The following STAT4 variants were observed in gnomAD, a reference collection of about 807,000 sequenced individuals.
The protein encoded by STAT4 is signal transducer and activator of transcription 4.
Under a neutral mutation model 110.5 loss-of-function variants are expected in STAT4, and 42 were observed. The ratio of observed to expected loss-of-function variants is 0.38; its 90% CI spans 0.30 to 0.49. The LOEUF is 0.49. Among genes scored for constraint, STAT4 ranks in the 20% least tolerant of loss-of-function variants. The pLI, the probability that STAT4 is intolerant of heterozygous loss-of-function variation, is 0.95. For synonymous variants in STAT4, 284 were observed against 302.2 expected (o/e 0.94, Z 0.63); for missense variants, 632 against 887.9 (o/e 0.71, Z 3.66).
chr2:191,083,692 CAA>C lies in STAT4; in HGVS notation c.274-7369_274-7368del, dbSNP rs1697551085. 6.6e-6 allele frequency among the ~76,000 whole-genome samples: 1 copy of C among 152,072 alleles called. No homozygotes were observed. The highest frequency in any genetic ancestry group is 1.5e-5 in the Non-Finnish European group (1 of 68,030). ...CAACCTACTGCGTACTTCTGGTTGC[CAA>C]CTAGCTCTCTCTCCCTTTGCATCAC... On this transcript the variant is annotated intron_variant, in intron 3 of 23. Coordinates refer to ENST00000392320, the MANE Select transcript of STAT4 (RefSeq NM_003151.4). The surrounding 1 kb of genome is among the most constrained non-coding windows in gnomAD (Gnocchi z 4.6).
At chr2:191,036,607 C>T (rs1359323928) in intron 16 of STAT4, among the ~76,000 whole-genome samples, 3 of 152,218 alleles carry the variant, frequency 2.0e-5, no homozygotes, top group African/African-American at 4.8e-5. Flanking sequence ...AGAGGTCAAG[C>T]TGCACACTTG....
In STAT4 at chr2:191,039,991, CAG is replaced by C. The variant is rs1696144410; in HGVS notation, c.1336-696_1336-695del. ...GAGGAACTTTAACAACTCATAAAAACAGAGGTTTAGGGAAAGGAGGTGAGGAA... is the reference window on the plus strand; with the variant it reads ...GAGGAACTTTAACAACTCATAAAAACAGGTTTAGGGAAAGGAGGTGAGGAA... On this transcript the variant is annotated intron_variant, in intron 15 of 23. Transcript: ENST00000392320. The surrounding 1 kb of genome is among the most constrained non-coding windows in gnomAD (Gnocchi z 4.7). 1.3e-5 allele frequency among the ~76,000 whole-genome samples: 2 copies of C among 152,254 alleles called. No individual in the cohort carries two copies. Among genetic ancestry groups the C allele is most frequent in the South Asian group, 4.1e-4 (2 of 4,826 alleles).
chr2:191,069,835 C>T, intron 5 of STAT4, 64 bp from the exon 6 acceptor site: 1 of 1,344,868 alleles, frequency 7.4e-7, no homozygotes, highest in Middle Eastern at 1.8e-4. Flanking sequence ...CAAACAACAT[C>T]ATAAGTATTT....
At chr2:191,087,599 T>C (rs1199275849) in intron 3 of STAT4, among the ~76,000 whole-genome samples, 8 of 152,124 alleles carry the variant, frequency 5.3e-5, no homozygotes, top group African/African-American at 1.9e-4. Context: ...GAGGGAGGCT[T>C]CATTTACATA....
chr2:191,100,637 T>A (rs1328790383), intron 3 of STAT4, among the ~76,000 whole-genome samples: 2 of 152,150 alleles, frequency 1.3e-5, no homozygotes, highest in Non-Finnish European at 2.9e-5. Context: ...TCCATCAAAA[T>A]GTATTTGTCT....
chr2:191,093,120 C>T (rs566839268), intron 3 of STAT4, among the ~76,000 whole-genome samples: 8 of 152,278 alleles, frequency 5.3e-5, no homozygotes, highest in South Asian at 4.1e-4. Context: ...GGGGGCAGGG[C>T]GTAGATGAAC....
intron 13 of STAT4, among the ~76,000 whole-genome samples, chr2:191,056,592 T>C (rs1279886407): frequency 6.6e-6 from 1 of 152,188 alleles, no homozygotes; most frequent in Admixed American, 6.5e-5. Context: ...CTTCTGTATT[T>C]ATATATCATA....
intron 5 of STAT4, among the ~76,000 whole-genome samples, chr2:191,072,450 A>G (rs1017044828): frequency 6.6e-6 from 1 of 152,230 alleles, no homozygotes; most frequent in African/African-American, 2.4e-5. Context: ...TCACTAAATC[A>G]GAAGTCTGAA....
At position 191,142,373 on chromosome 2, in the gene STAT4, C is replaced by T. The variant is rs1156878786; in HGVS notation, c.273+4240G>A. 1.3e-5 allele frequency among the ~76,000 whole-genome samples: 2 copies of T among 151,942 alleles called. No homozygotes were observed. Among genetic ancestry groups the T allele is most frequent in the East Asian group, 3.9e-4 (2 of 5,188 alleles). ...AAGCCAGGCACAGAAAGACAAATAT[C>T]GCATGTTCTCACTCATATGTGGGAG... On this transcript the variant is annotated intron_variant, in intron 3 of 23. Coordinates refer to ENST00000392320, the MANE Select transcript of STAT4 (RefSeq NM_003151.4). This position sits in a 1 kb window ranked among gnomAD's most constrained non-coding sequence, Gnocchi z 4.1.
chr2:191,045,837 T>A (rs34946552), intron 14 of STAT4, among the ~76,000 whole-genome samples: 66,091 of 152,062 alleles, frequency 0.43, 17,730 homozygotes, highest in Non-Finnish European at 0.6. Flanking sequence ...TTATGTTTAA[T>A]AAACATTCTG....
chr2:191,052,226 G>A (rs984537451), intron 14 of STAT4, among the ~76,000 whole-genome samples: 1 of 152,012 alleles, frequency 6.6e-6, no homozygotes, highest in Non-Finnish European at 1.5e-5. Flanking sequence ...CCTGATTCCC[G>A]GTTTATCTTC....
rs996042912 is a variant in STAT4, at chr2:191,043,510, A to G, written c.1252-2362T>C. Among the ~76,000 whole-genome samples, 1 of 152,200 alleles carries G rather than the reference A, an allele frequency of 6.6e-6. No homozygotes were observed. The highest frequency in any genetic ancestry group is 6.5e-5 in the Admixed American group (1 of 15,284). Reference sequence around the variant, plus strand: ...TTTGGAGAACAATTCCTCAGTATCTAGAAAAGTAGAAGATGCACATTACCT... The same window carrying G: ...TTTGGAGAACAATTCCTCAGTATCTGGAAAAGTAGAAGATGCACATTACCT... On this transcript the variant is annotated intron_variant, in intron 14 of 23. Transcript: ENST00000392320. The surrounding 1 kb of genome is among the most constrained non-coding windows in gnomAD (Gnocchi z 4.8).
chr2:191,109,927 G>A (rs2125358874), intron 3 of STAT4, among the ~76,000 whole-genome samples: 1 of 152,232 alleles, frequency 6.6e-6, no homozygotes, highest in Non-Finnish European at 1.5e-5. Context: ...TCCTTTGAGG[G>A]AATATCAACG....
chr2:191,049,073 A>G (rs16833215), intron 14 of STAT4, among the ~76,000 whole-genome samples: 51,771 of 150,990 alleles, frequency 0.34, 9,336 homozygotes, highest in Admixed American at 0.49. Context: ...GATGAAAGGT[A>G]GGTCTAGATG....
Position 191,077,729 on chromosome 2 carries a change from G to C in STAT4, c.274-1404C>G, listed in dbSNP as rs145274723. Among the ~76,000 whole-genome samples the C allele has an allele frequency of 8.4e-4, 128 of 152,204 alleles. 1 individual carries two copies. Among genetic ancestry groups the C allele is most frequent in the South Asian group, 5.2e-3 (25 of 4,822 alleles). ...ACTTCTATTTGTTTTATTAAATGAT[G>C]TATGTTAATTACCACTTCTATTTGT... is the stretch of plus-strand genomic sequence containing the variant. On this transcript the variant is annotated intron_variant, in intron 3 of 23. Transcript: ENST00000392320. This position sits in a 1 kb window ranked among gnomAD's most constrained non-coding sequence, Gnocchi z 4.1.
Position 191,051,038 on chromosome 2 carries a change from G to T in STAT4, c.1251+3452C>A, listed in dbSNP as rs539729678. 1.6e-4 allele frequency among the ~76,000 whole-genome samples: 25 copies of T among 152,278 alleles called. No homozygotes were observed. The highest frequency in any genetic ancestry group is 2.8e-4 in the Non-Finnish European group (19 of 68,006). On this transcript the variant is annotated intron_variant, in intron 14 of 23. Transcript: ENST00000392320. The surrounding 1 kb of genome is among the most constrained non-coding windows in gnomAD (Gnocchi z 5.6). Reference sequence around the variant, plus strand: ...GAGCGACCCAAAATTGTGTGTGTGCGTGTGGGTGTGTGTGTGATGGAGGTG... The same window carrying T: ...GAGCGACCCAAAATTGTGTGTGTGCTTGTGGGTGTGTGTGTGATGGAGGTG...
chr2:191,109,329 G>A (rs1206946382), intron 3 of STAT4, among the ~76,000 whole-genome samples: 1 of 151,488 alleles, frequency 6.6e-6, no homozygotes, highest in Non-Finnish European at 1.5e-5. Flanking sequence ...AAAGACAAGT[G>A]GGGAAGCCAG....
At position 191,082,827 on chromosome 2, in the gene STAT4, A is replaced by G. The variant is rs574153328; in HGVS notation, c.274-6502T>C. On this transcript the variant is annotated intron_variant, in intron 3 of 23. Coordinates refer to ENST00000392320, the MANE Select transcript of STAT4 (RefSeq NM_003151.4). The surrounding 1 kb of genome is among the most constrained non-coding windows in gnomAD (Gnocchi z 4.7). ...AAATAATCTTCTTCATACAGGCGAC[A>G]TGGAGCCTGAAACTTCACAATTAGG... Among the ~76,000 whole-genome samples the G allele has an allele frequency of 6.6e-6, 1 of 152,204 alleles. No individual in the cohort carries two copies. Among genetic ancestry groups the G allele is most frequent in the South Asian group, 2.1e-4 (1 of 4,830 alleles).
chr2:191,033,958 T>G lies in STAT4; in HGVS notation c.1668A>C (p.Ala556=). 1 of 1,613,104 alleles carries G rather than the reference T, an allele frequency of 6.2e-7. No homozygotes were observed. The highest frequency in any genetic ancestry group is 8.5e-7 in the Non-Finnish European group (1 of 1,179,634). The change falls in exon 19 of 24, where the codon GCA becomes GCC. Residue 556 remains alanine (A), a synonymous_variant. Transcript: ENST00000392320. This position sits in a 1 kb window ranked among gnomAD's most constrained non-coding sequence, Gnocchi z 6.9. ...KSFTFWTWLE[A]ILDLIKKHIL... The stretch of plus-strand genomic sequence containing the variant: ...TGTGTTTCTTAATTAGATCCAATAT[T>G]GCTTCAAGCCATGTCCAAAAGGTAA...
Sources: gnomAD v4.1 joint callset for allele counts (sites outside exome capture counted in the v4.1 genomes callset) on GRCh38, gnomAD v4.1.1 for gene constraint, Gnocchi (gnomAD v3.1) non-coding constraint, MANE v1.5 for transcripts, NCBI Gene and HGNC (gene_info 2026-07-23, HGNC 2026-07-21) for gene names.